Variants in GRM7 observed in about 807,000 individuals in gnomAD.
GRM7 encodes the protein glutamate metabotropic receptor 7, also known as metabotropic glutamate receptor 7.
Under a neutral mutation model 84.5 loss-of-function variants are expected in GRM7, and 35 were observed. That is an observed-to-expected ratio of 0.41 (90% CI 0.32 to 0.55). GRM7 has a LOEUF of 0.55. Ranked by LOEUF, GRM7 falls within the 20% of genes least tolerant of loss-of-function variation. The pLI is 0.19. For missense variants in GRM7, 1,003 were observed against 1,194.6 expected (o/e 0.84, Z 2.36); for synonymous variants, 487 against 455.1 (o/e 1.07, Z -0.89).
chr3:7,442,789 A>T (rs1697346173), intron 5 of GRM7, among the ~76,000 whole-genome samples: 1 of 152,154 alleles, frequency 6.6e-6, no homozygotes, highest in Non-Finnish European at 1.5e-5. Context: ...AAGACTTGAC[A>T]TGAGAGTGGA....
chr3:7,436,712 A>G (rs1446489735), intron 5 of GRM7, among the ~76,000 whole-genome samples: 1 of 152,080 alleles, frequency 6.6e-6, no homozygotes, highest in Non-Finnish European at 1.5e-5. Context: ...CTACTTATAT[A>G]TCTCTCCAAC....
Position 6,867,713 on chromosome 3 carries a change from T to C in GRM7, c.519+5806T>C, listed in dbSNP as rs149977006. 2.7e-3 allele frequency among the ~76,000 whole-genome samples: 411 copies of C among 152,344 alleles called. 2 individuals are homozygous for C. The highest frequency in any genetic ancestry group is 9.3e-3 in the African/African-American group (386 of 41,584). The stretch of plus-strand genomic sequence containing the variant: ...CATATATGATCTCTATGTAAAATGA[T>C]ATTTATGCAACATATAGTCTGACTG... On this transcript the variant is annotated intron_variant, in intron 1 of 9. Transcript: ENST00000357716.
chr3:7,539,801 T>C (rs987512318), intron 7 of GRM7, among the ~76,000 whole-genome samples: 2 of 151,862 alleles, frequency 1.3e-5, no homozygotes, highest in Middle Eastern at 3.2e-3. Context: ...CAAGAGTTCA[T>C]GGGAATTGTA....
chr3:7,080,879 T>A (rs1485120510), intron 1 of GRM7, among the ~76,000 whole-genome samples: 1 of 152,080 alleles, frequency 6.6e-6, no homozygotes, highest in East Asian at 1.9e-4. Flanking sequence ...ATATCATTGA[T>A]GCTCAAAATA....
rs111621706 is a variant in GRM7, at chr3:7,455,653, A to G, written c.1375+2846A>G. The stretch of plus-strand genomic sequence containing the variant: ...TGGCAAGTACTTTTCAAAAGTGTCC[A>G]GGTCATGAGAATAATAGATAAAGGA... On this transcript the variant is annotated intron_variant, in intron 6 of 9. Transcript: ENST00000357716. 2.9e-3 allele frequency among the ~76,000 whole-genome samples: 448 copies of G among 152,296 alleles called. 4 individuals are homozygous for G. Among genetic ancestry groups the G allele is most frequent in the African/African-American group, 0.01 (428 of 41,564 alleles).
intron 4 of GRM7, among the ~76,000 whole-genome samples, chr3:7,377,758 A>C (rs1328729929): frequency 1.3e-5 from 2 of 152,200 alleles, no homozygotes; most frequent in African/African-American, 2.4e-5. Flanking sequence ...AAAGAACATA[A>C]AAATATTTAC....
chr3:7,020,028 C>G (rs1180321576), intron 1 of GRM7, among the ~76,000 whole-genome samples: 1 of 152,094 alleles, frequency 6.6e-6, no homozygotes, highest in Admixed American at 6.6e-5. Flanking sequence ...AATTTTTGTA[C>G]TATTAGAGAC....
chr3:7,568,091 C>T (rs1288267214), intron 7 of GRM7, among the ~76,000 whole-genome samples: 1 of 152,208 alleles, frequency 6.6e-6, no homozygotes, highest in African/African-American at 2.4e-5. Context: ...TATTCATTCA[C>T]TTCCTTAATT....
At chr3:7,698,374 A>G (rs1701101971) in intron 9 of GRM7, among the ~76,000 whole-genome samples, 1 of 152,232 alleles carries the variant, frequency 6.6e-6, no homozygotes, top group Non-Finnish European at 1.5e-5. Flanking sequence ...GTATTAGCTC[A>G]TTTAATTATA....
intron 1 of GRM7, among the ~76,000 whole-genome samples, chr3:6,877,054 G>T (rs977077071): frequency 6.6e-6 from 1 of 152,114 alleles, no homozygotes; most frequent in Non-Finnish European, 1.5e-5. Flanking sequence ...CCAATTGAAT[G>T]GAATTTTCCT....
At chr3:7,624,907 TGGA>T (rs1210601609) in intron 8 of GRM7, among the ~76,000 whole-genome samples, 1 of 152,158 alleles carries the variant, frequency 6.6e-6, no homozygotes, top group Admixed American at 6.6e-5. Flanking sequence ...CAAGCCTTCC[TGGA>T]GGAGGCGGCA....
chr3:6,973,570 AG>A (rs1693852427), intron 1 of GRM7, among the ~76,000 whole-genome samples: 1 of 152,204 alleles, frequency 6.6e-6, no homozygotes, highest in African/African-American at 2.4e-5. Flanking sequence ...AGCAAGAGAA[AG>A]GAGGAATGTG....
At chr3:7,315,394 C>T (rs777122133) in intron 4 of GRM7, among the ~76,000 whole-genome samples, 36 of 152,228 alleles carry the variant, frequency 2.4e-4, no homozygotes, top group Non-Finnish European at 4.6e-4. Context: ...AGCTTTTTCT[C>T]CTAGGCTTAA....
At chr3:6,969,395 A>T (rs906243704) in intron 1 of GRM7, among the ~76,000 whole-genome samples, 1 of 152,188 alleles carries the variant, frequency 6.6e-6, no homozygotes, top group African/African-American at 2.4e-5. Context: ...GAAGACACTA[A>T]CTACTCAGAG....
intron 5 of GRM7, among the ~76,000 whole-genome samples, chr3:7,447,701 C>T (rs1471755810): frequency 1.3e-5 from 2 of 151,268 alleles, no homozygotes; most frequent in Admixed American, 6.6e-5. Flanking sequence ...AATAAATAAA[C>T]TTTCTCAGAA....
intron 1 of GRM7, among the ~76,000 whole-genome samples, chr3:7,092,232 C>T (rs1698691895): frequency 6.6e-6 from 1 of 152,114 alleles, no homozygotes; most frequent in South Asian, 2.1e-4. Context: ...TAGTTAGAAG[C>T]CCCTGAATTA....
chr3:6,872,276 T>C (rs984154011), intron 1 of GRM7, among the ~76,000 whole-genome samples: 8 of 152,114 alleles, frequency 5.3e-5, no homozygotes, highest in African/African-American at 1.9e-4. Context: ...AAAAACTCTA[T>C]TATATGAGGC....
chr3:7,235,392 C>T (rs962136854), intron 2 of GRM7, among the ~76,000 whole-genome samples: 3 of 152,158 alleles, frequency 2.0e-5, no homozygotes. Flanking sequence ...TTAAGCATCT[C>T]GGAAAAGATC....
intron 1 of GRM7, among the ~76,000 whole-genome samples, chr3:6,912,812 G>T (rs939067337): frequency 3.3e-5 from 5 of 152,026 alleles, no homozygotes; most frequent in African/African-American, 1.2e-4. Flanking sequence ...TAATTTTTTA[G>T]AATAAATTGT....
Sources: allele counts gnomAD v4.1 joint callset (sites outside exome capture counted in the v4.1 genomes callset), GRCh38; gene constraint gnomAD v4.1.1; transcripts MANE v1.5; gene names NCBI Gene and HGNC (gene_info 2026-07-23, HGNC 2026-07-21).